FNIP1: variants seen among roughly 807,000 people sequenced by gnomAD.
FNIP1 encodes the protein folliculin-interacting protein 1.
FNIP1 carries 40 observed loss-of-function variants against 124.5 expected under a neutral mutation model. The observed-to-expected ratio is 0.32, with a 90% confidence interval of 0.25 to 0.42. FNIP1 has a LOEUF of 0.42. FNIP1 is among the 10% of genes least tolerant of loss of function. The pLI, the probability that FNIP1 is intolerant of heterozygous loss-of-function variation, is 1.00. For missense variants in FNIP1, 1,176 were observed against 1,403.7 expected (o/e 0.84, Z 2.59); for synonymous variants, 472 against 470.6 (o/e 1.00, Z -0.04).
At chr5:131,723,861 GC>G (rs1452313064) in intron 3 of FNIP1, among the ~76,000 whole-genome samples, 2 of 129,934 alleles carry the variant, frequency 1.5e-5, no homozygotes, top group African/African-American at 5.9e-5. Context: ...CCTCCCCCTA[GC>G]CCCCCACCCC....
At chr5:131,712,244 C>G (rs952359587) in intron 6 of FNIP1, among the ~76,000 whole-genome samples, 1 of 151,640 alleles carries the variant, frequency 6.6e-6, no homozygotes, top group East Asian at 1.9e-4. Flanking sequence ...CATTCTTCTT[C>G]AAAAACCTCC....
Position 131,669,433 on chromosome 5 carries a change from T to C in FNIP1, c.3108+1030A>G, listed in dbSNP as rs1038526715. Among the ~76,000 whole-genome samples, 7 of 152,126 alleles carry C rather than the reference T, an allele frequency of 4.6e-5. No homozygotes were observed. The East Asian group carries it at 7.7e-4, about 17-fold the overall frequency. ...GACTCCAATGTCCATAATAAAATATTGGTAAATCAAATCCAGCAACACATA... is the reference window on the plus strand; with the variant it reads ...GACTCCAATGTCCATAATAAAATATCGGTAAATCAAATCCAGCAACACATA... On this transcript the variant is annotated intron_variant, in intron 15 of 17. Coordinates refer to ENST00000510461, the MANE Select transcript of FNIP1 (RefSeq NM_133372.3).
chr5:131,748,633 G>A (rs900500968), intron 1 of FNIP1, among the ~76,000 whole-genome samples: 5 of 138,928 alleles, frequency 3.6e-5, no homozygotes, highest in African/African-American at 1.3e-4. Context: ...GGAAGCAGAG[G>A]TTGCAGTGAG....
rs1554100699 is a variant in FNIP1 at position 131,785,079 on chromosome 5, C to CT, written c.92+11750_92+11751insA. On this transcript the variant is annotated intron_variant, in intron 1 of 17. Coordinates refer to ENST00000510461, the MANE Select transcript of FNIP1 (RefSeq NM_133372.3). ...TATATCATATATATGATATATATGA[C>CT]ATATATATATGATATATATGACTAT... 9.7e-4 allele frequency among the ~76,000 whole-genome samples: 12 copies of CT among 12,414 alleles called. No homozygotes were observed. In the South Asian group the frequency reaches 0.011, roughly 11 times the overall value. The allele number at this position is 12,414 out of a possible 152,430, so 8.1% of individuals were successfully genotyped here.
At chr5:131,788,314 G>A (rs1195346265) in intron 1 of FNIP1, among the ~76,000 whole-genome samples, 1 of 152,090 alleles carries the variant, frequency 6.6e-6, no homozygotes, top group Non-Finnish European at 1.5e-5. Flanking sequence ...TTTTACATGG[G>A]AAGTTATTTT....
At chr5:131,738,902 C>T (rs1256753293) in intron 2 of FNIP1, among the ~76,000 whole-genome samples, 1 of 151,584 alleles carries the variant, frequency 6.6e-6, no homozygotes, top group African/African-American at 2.4e-5. Flanking sequence ...TTGCAACCTC[C>T]ACTTCCTGGG....
intron 11 of FNIP1, among the ~76,000 whole-genome samples, chr5:131,686,742 G>A (rs957734772): frequency 6.6e-6 from 1 of 152,098 alleles, no homozygotes; most frequent in African/African-American, 2.4e-5. Context: ...TCACCCTGTT[G>A]TGCTATCAAC....
intron 1 of FNIP1, among the ~76,000 whole-genome samples, chr5:131,778,147 C>T (rs1771873133): frequency 6.6e-6 from 1 of 151,928 alleles, no homozygotes; most frequent in Admixed American, 6.6e-5. Context: ...CTGCTTGAGC[C>T]TGGGAGTTCA....
At chr5:131,651,611 T>A (rs1767042311) in intron 16 of FNIP1, among the ~76,000 whole-genome samples, 191 bp downstream of exon 16, 1 of 152,070 alleles carries the variant, frequency 6.6e-6, no homozygotes, top group Non-Finnish European at 1.5e-5. Context: ...ACCCTCAAGA[T>A]CTAATCTTAC....
intron 16 of FNIP1, among the ~76,000 whole-genome samples, chr5:131,649,498 A>T (rs569141138): frequency 2.0e-5 from 3 of 152,082 alleles, no homozygotes; most frequent in Middle Eastern, 3.4e-3. Flanking sequence ...CCATTTTTTA[A>T]TTCAATTATT....
intron 15 of FNIP1, among the ~76,000 whole-genome samples, chr5:131,662,328 T>C (rs750510104): frequency 2.6e-5 from 4 of 152,088 alleles, no homozygotes; most frequent in African/African-American, 4.8e-5. Flanking sequence ...AACTGGAAAA[T>C]TATCATCTAA....
At chr5:131,657,911 T>C (rs985281475) in intron 15 of FNIP1, among the ~76,000 whole-genome samples, 1 of 151,646 alleles carries the variant, frequency 6.6e-6, no homozygotes, top group Non-Finnish European at 1.5e-5. Flanking sequence ...TGTGGCAGTG[T>C]GTGCCTGTAG....
At chr5:131,776,533 C>G (rs1240888092) in intron 1 of FNIP1, among the ~76,000 whole-genome samples, 1 of 152,176 alleles carries the variant, frequency 6.6e-6, no homozygotes, top group Admixed American at 6.5e-5. Context: ...TGTATCTTCA[C>G]ATAACAAAAT....
intron 11 of FNIP1, among the ~76,000 whole-genome samples, chr5:131,687,872 A>G (rs1768333230): frequency 6.6e-6 from 1 of 152,180 alleles, no homozygotes; most frequent in African/African-American, 2.4e-5. Flanking sequence ...TCAGAGAAAC[A>G]TCTGGCTATG....
intron 16 of FNIP1, among the ~76,000 whole-genome samples, chr5:131,648,676 A>G (rs1414729986): frequency 2.0e-5 from 3 of 152,190 alleles, no homozygotes; most frequent in Non-Finnish European, 2.9e-5. Context: ...ACAGTATATA[A>G]TTATATAGTC....
chr5:131,735,955 T>A (rs769076004), intron 2 of FNIP1, among the ~76,000 whole-genome samples: 2 of 152,126 alleles, frequency 1.3e-5, no homozygotes, highest in Non-Finnish European at 2.9e-5. Context: ...TTTGTAGAGA[T>A]GAGGTCTCAT....
At chr5:131,721,534 C>A (rs1769660838) in intron 3 of FNIP1, among the ~76,000 whole-genome samples, 1 of 152,024 alleles carries the variant, frequency 6.6e-6, no homozygotes, top group African/African-American at 2.4e-5. Flanking sequence ...CGCGGTGGAT[C>A]ACGCTTGTAA....
intron 1 of FNIP1, among the ~76,000 whole-genome samples, chr5:131,763,049 T>G (rs966114693): frequency 1.3e-5 from 2 of 152,024 alleles, no homozygotes; most frequent in African/African-American, 4.8e-5. Flanking sequence ...GTGAGGATGG[T>G]TAATGGGCAC....
At chr5:131,752,941 G>C (rs753320902) in intron 1 of FNIP1, among the ~76,000 whole-genome samples, 1 of 152,082 alleles carries the variant, frequency 6.6e-6, no homozygotes, top group Non-Finnish European at 1.5e-5. Flanking sequence ...GTGTGGTGGT[G>C]CATGCCTGTA....
Sources: allele counts gnomAD v4.1 joint callset (sites outside exome capture counted in the v4.1 genomes callset), GRCh38; gene constraint gnomAD v4.1.1; transcripts MANE v1.5; gene names NCBI Gene and HGNC (gene_info 2026-07-23, HGNC 2026-07-21).